Variants in COL5A1 observed in about 807,000 individuals in gnomAD.
COL5A1 encodes the protein collagen alpha-1(V) chain.
Under a neutral mutation model 263.7 loss-of-function variants are expected in COL5A1, and 16 were observed. That is an observed-to-expected ratio of 0.06 (90% confidence interval 0.04 to 0.09). The LOEUF (loss-of-function observed/expected upper bound fraction) is 0.09, where lower values mean the gene tolerates loss of function less well. Ranked by LOEUF, COL5A1 falls within the 10% of genes least tolerant of loss-of-function variation. The pLI, the probability that COL5A1 is intolerant of heterozygous loss-of-function variation, is 1.00. For synonymous variants in COL5A1, 1,012 were observed against 1,004.5 expected (o/e 1.01, Z -0.14); for missense variants, 2,036 against 2,540.5 (o/e 0.80, Z 4.27).
chr9:134,841,657 A>AG lies in COL5A1; in HGVS notation c.5371-494dup, dbSNP rs1237201350. On this transcript the variant is annotated intron_variant, in intron 65 of 65. Coordinates refer to ENST00000371817, the MANE Select transcript of COL5A1 (RefSeq NM_000093.5). The surrounding 1 kb of genome is among the most constrained non-coding windows in gnomAD (Gnocchi z 4.8). ...AAGGCAGTGTGTGGCAGGTGGTCGT[A>AG]GGGGGGTCTTACTTGGCTCAAGGCT... is the stretch of plus-strand genomic sequence containing the variant. 2.0e-5 allele frequency among the ~76,000 whole-genome samples: 3 copies of AG among 151,540 alleles called. No individual in the cohort carries two copies. The highest frequency in any genetic ancestry group is 3.4e-3 in the Middle Eastern group (1 of 294).
rs984146988 is a variant in COL5A1, at chr9:134,843,830, T to A, written c.*1527T>A. ...TCTCTCCAGGGCTGCCTGCAGCACG[T>A]CTTTTCCAAGTAGCCTATTTGGATT... On this transcript the variant is annotated 3_prime_UTR_variant, in exon 66 of 66. Coordinates refer to ENST00000371817, the MANE Select transcript of COL5A1 (RefSeq NM_000093.5). 1 of 152,692 alleles carries A rather than the reference T, an allele frequency of 6.5e-6. No individual in the cohort carries two copies. The highest frequency in any genetic ancestry group is 2.4e-5 in the African/African-American group (1 of 41,478). 9.5% of individuals were successfully genotyped at this position (152,692 alleles called of 1,614,324 possible).
At chr9:134,775,147 C>T (rs1367878226) in intron 27 of COL5A1, among the ~76,000 whole-genome samples, 1 of 152,250 alleles carries the variant, frequency 6.6e-6, no homozygotes, top group Non-Finnish European at 1.5e-5. Flanking sequence ...ACAGGACAGT[C>T]TGCAGTCTGG....
chr9:134,760,459 A>G (rs1189137988), intron 18 of COL5A1, among the ~76,000 whole-genome samples: 3 of 99,444 alleles, frequency 3.0e-5, no homozygotes, highest in African/African-American at 4.5e-5. Context: ...ACACACCCAC[A>G]CACCCCCACA....
chr9:134,823,906 G>A (rs929001816), intron 61 of COL5A1, among the ~76,000 whole-genome samples: 1 of 151,856 alleles, frequency 6.6e-6, no homozygotes, highest in Admixed American at 6.6e-5. Flanking sequence ...CATATATGTG[G>A]GGCACATATG....
At chr9:134,683,623 C>T (rs971153425) in intron 1 of COL5A1, among the ~76,000 whole-genome samples, 4 of 152,232 alleles carry the variant, frequency 2.6e-5, no homozygotes, top group African/African-American at 7.2e-5. Flanking sequence ...GTTGCTCAGT[C>T]GTTCAGCAAA....
Position 134,774,824 on chromosome 9 carries a change from C to A in COL5A1, c.2332-35C>A, listed in dbSNP as rs772740324. 1.4e-5 allele frequency: 23 copies of A among 1,608,048 alleles called. No individual in the cohort carries two copies. The South Asian group carries it at 2.6e-4, about 18-fold the overall frequency. On this transcript the variant is annotated intron_variant, in intron 26 of 65. Transcript: ENST00000371817. ...TGTTCCCCAGGCACCTCCACACTGG[C>A]ATGGGGCTAACGGTCTTTTTCTGTT...
At position 134,756,766 on chromosome 9, in the gene COL5A1, GTC is replaced by G; in HGVS notation, c.1830_1831del (p.Arg611GlyfsTer4). On this transcript the variant is annotated frameshift_variant and splice_region_variant, in exon 17 of 66. Transcript: ENST00000371817. LOFTEE classifies it high-confidence loss of function. ...ACGGTTTTGCCTCCTTTGTTCCAGGGTCGGGCTGGGAGTGATGGAGCCAGAGG... is the reference window on the plus strand; with the variant it reads ...ACGGTTTTGCCTCCTTTGTTCCAGGGGGGCTGGGAGTGATGGAGCCAGAGG... 1 of 1,614,070 alleles carries G rather than the reference GTC, an allele frequency of 6.2e-7. No individual in the cohort carries two copies. The highest frequency in any genetic ancestry group is 8.5e-7 in the Non-Finnish European group (1 of 1,180,044).
intron 15 of COL5A1, 41 bp downstream of exon 15, chr9:134,753,944 C>T: frequency 1.3e-6 from 2 of 1,573,518 alleles, no homozygotes; most frequent in Non-Finnish European, 1.7e-6. Flanking sequence ...TGGGCGCCTC[C>T]CGTTCTCCGG....
intron 39 of COL5A1, among the ~76,000 whole-genome samples, chr9:134,804,176 A>G (rs1040345861): frequency 6.6e-6 from 1 of 152,194 alleles, no homozygotes; most frequent in African/African-American, 2.4e-5. Flanking sequence ...ATATAGGAAT[A>G]AATACACATG....
chr9:134,815,094 G>A (rs1838690253), intron 50 of COL5A1, among the ~76,000 whole-genome samples, 190 bp downstream of exon 50: 1 of 152,254 alleles, frequency 6.6e-6, no homozygotes, highest in Non-Finnish European at 1.5e-5. Flanking sequence ...AGATGAGACA[G>A]GGCGTGGACT....
chr9:134,722,505 A>G (rs1430138233), intron 4 of COL5A1, among the ~76,000 whole-genome samples: 2 of 152,170 alleles, frequency 1.3e-5, no homozygotes, highest in Non-Finnish European at 2.9e-5. Context: ...GGACACGCCC[A>G]TGATCCAAGG....
intron 63 of COL5A1, among the ~76,000 whole-genome samples, chr9:134,828,654 C>CCCAT (rs1839414006): frequency 1.9e-5 from 1 of 52,178 alleles, no homozygotes; most frequent in Non-Finnish European, 4.0e-5. Flanking sequence ...ACCACACATA[C>CCCAT]CACACACACA....
intron 32 of COL5A1, among the ~76,000 whole-genome samples, chr9:134,791,515 G>A (rs1354161863): frequency 6.6e-6 from 1 of 151,772 alleles, no homozygotes; most frequent in Admixed American, 6.6e-5. Flanking sequence ...TACCAAGTTC[G>A]GGGAATGACG....
chr9:134,831,797 C>T (rs1017381770), intron 64 of COL5A1, among the ~76,000 whole-genome samples: 1 of 152,220 alleles, frequency 6.6e-6, no homozygotes. Context: ...CAGCCTTCAG[C>T]CCGAGTAGCC....
chr9:134,717,793 A>G (rs1434801799), intron 4 of COL5A1, among the ~76,000 whole-genome samples: 1 of 152,234 alleles, frequency 6.6e-6, no homozygotes, highest in Non-Finnish European at 1.5e-5. Flanking sequence ...ATTAGATGAT[A>G]AAGTCTGTGG....
intron 61 of COL5A1, among the ~76,000 whole-genome samples, chr9:134,823,939 A>G (rs1468540823): frequency 4.0e-5 from 6 of 151,770 alleles, no homozygotes; most frequent in African/African-American, 1.5e-4. Flanking sequence ...TAGTGTGTGT[A>G]TATTGTATAC....
Position 134,642,077 on chromosome 9 carries a change from T to G in COL5A1, c.-111T>G, listed in dbSNP as rs1831306090. On this transcript the variant is annotated 5_prime_UTR_variant, in exon 1 of 66. It removes the in-frame stop codon of an upstream open reading frame in the 5' UTR. Transcript: ENST00000371817. This position sits in a 1 kb window ranked among gnomAD's most constrained non-coding sequence, Gnocchi z 4.5. ...GGGTGCCGAGGTCCCCATGACCTCCTAAAGTGGTGCGGTCCCTGCTGAGTG... is the reference window on the plus strand; with the variant it reads ...GGGTGCCGAGGTCCCCATGACCTCCGAAAGTGGTGCGGTCCCTGCTGAGTG... 1.2e-5 allele frequency: 12 copies of G among 978,018 alleles called. No homozygotes were observed. In the South Asian group the frequency reaches 5.7e-4, roughly 46 times the overall value. The allele number at this position is 978,018 out of a possible 1,614,324, so 60.6% of individuals were successfully genotyped here.
intron 32 of COL5A1, among the ~76,000 whole-genome samples, chr9:134,792,772 C>CAT (rs58920076): frequency 0.36 from 54,348 of 150,974 alleles, 10,572 homozygotes; most frequent in African/African-American, 0.52. Context: ...TGTGTGTGTG[C>CAT]GTGTGTGTAC....
Position 134,682,555 on chromosome 9 carries a change from G to T in COL5A1, c.110-8357G>T, listed in dbSNP as rs1238824991. On this transcript the variant is annotated intron_variant, in intron 1 of 65. Transcript: ENST00000371817. The surrounding 1 kb of genome is among the most constrained non-coding windows in gnomAD (Gnocchi z 5.1). ...TAGAATCCTACCACACTGCCTGGTGGGGTGGGGGAGAGCCTGCTGCCCAGG... is the reference window on the plus strand; with the variant it reads ...TAGAATCCTACCACACTGCCTGGTGTGGTGGGGGAGAGCCTGCTGCCCAGG... 6.6e-6 allele frequency among the ~76,000 whole-genome samples: 1 copy of T among 152,236 alleles called. No homozygotes were observed. Among genetic ancestry groups the T allele is most frequent in the Non-Finnish European group, 1.5e-5 (1 of 68,044 alleles).
Sources: allele counts gnomAD v4.1 joint callset (sites outside exome capture counted in the v4.1 genomes callset), GRCh38; gene constraint gnomAD v4.1.1; non-coding constraint Gnocchi (gnomAD v3.1); transcripts MANE v1.5; gene names NCBI Gene and HGNC (gene_info 2026-07-23, HGNC 2026-07-21).